The following WNT3A variants were observed in gnomAD, a reference collection of about 807,000 sequenced individuals.
WNT3A encodes protein Wnt-3a.
Under a neutral mutation model 37.0 loss-of-function variants are expected in WNT3A, and 17 were observed. The ratio of observed to expected loss-of-function variants is 0.46; its 90% CI spans 0.31 to 0.69. The LOEUF (loss-of-function observed/expected upper bound fraction) is 0.69. WNT3A is among the 30% of genes least tolerant of loss of function. The pLI is 0.05. For missense variants in WNT3A, 411 were observed against 510.2 expected (o/e 0.81, Z 1.87); for synonymous variants, 187 against 211.0 (o/e 0.89, Z 0.99).
In WNT3A at chr1:228,041,065, A is replaced by G. The variant is rs115352682; in HGVS notation, c.314-9591A>G. 5.9e-3 allele frequency among the ~76,000 whole-genome samples: 878 copies of G among 148,972 alleles called. 10 individuals are homozygous for G. Among genetic ancestry groups the G allele is most frequent in the African/African-American group, 0.021 (848 of 40,376 alleles). Reference sequence around the variant, plus strand: ...TCTATCTATCATCTATCTATCATCTATCTATATCTTTTCCTGTCTCAACAA... The same window carrying G: ...TCTATCTATCATCTATCTATCATCTGTCTATATCTTTTCCTGTCTCAACAA... On this transcript the variant is annotated intron_variant, in intron 2 of 3. Coordinates refer to ENST00000284523, the MANE Select transcript of WNT3A (RefSeq NM_033131.4).
intron 1 of WNT3A, among the ~76,000 whole-genome samples, chr1:228,009,084 C>T (rs929244788): frequency 5.3e-5 from 8 of 152,234 alleles, no homozygotes; most frequent in African/African-American, 1.7e-4. Context: ...TGACACTGAC[C>T]GGGGTGGGTG....
At chr1:228,056,554 C>T (rs1220853232) in intron 3 of WNT3A, among the ~76,000 whole-genome samples, 1 of 152,046 alleles carries the variant, frequency 6.6e-6, no homozygotes, top group Non-Finnish European at 1.5e-5. Context: ...AAAATAAGAG[C>T]AAGGAGAAGA....
chr1:228,034,263 A>G (rs879817821), intron 2 of WNT3A, among the ~76,000 whole-genome samples: 2 of 152,192 alleles, frequency 1.3e-5, no homozygotes, highest in African/African-American at 2.4e-5. Context: ...CTCTGTCTCA[A>G]AAAAACACAC....
chr1:228,043,219 A>C (rs1190110310), intron 2 of WNT3A, among the ~76,000 whole-genome samples: 1 of 152,246 alleles, frequency 6.6e-6, no homozygotes, highest in Non-Finnish European at 1.5e-5. Context: ...CTTCCCTTAC[A>C]GAACAATTTT....
Position 228,007,863 on chromosome 1 carries a change from TAGAG to T in WNT3A, c.71+669_71+672del, listed in dbSNP as rs1326422687. The stretch of plus-strand genomic sequence containing the variant: ...TCCACCTGGCAATGAGGGGCTGCTG[TAGAG>T]AGAGTTAAGGGTGAGTTAAGCACGG... On this transcript the variant is annotated intron_variant, in intron 1 of 3. Transcript: ENST00000284523. This position sits in a 1 kb window ranked among gnomAD's most constrained non-coding sequence, Gnocchi z 6.0. Among the ~76,000 whole-genome samples, 4 of 152,054 alleles carry T rather than the reference TAGAG, an allele frequency of 2.6e-5. No homozygotes were observed. The highest frequency in any genetic ancestry group is 4.4e-5 in the Non-Finnish European group (3 of 67,990).
At chr1:228,026,609 C>A (rs1246427779) in intron 2 of WNT3A, among the ~76,000 whole-genome samples, 1 of 152,082 alleles carries the variant, frequency 6.6e-6, no homozygotes, top group Non-Finnish European at 1.5e-5. Context: ...CCCTGGCTTC[C>A]CTCCCAACCT....
At position 228,058,974 on chromosome 1, in the gene WNT3A, C is replaced by T. The variant is rs760493863; in HGVS notation, c.580-12C>T. Reference sequence around the variant, plus strand: ...GGCCGCCCTGACGCTGGCTCCTGCGCGTGCCCCGCAGGCCATCGCCAGCCA... The same window carrying T: ...GGCCGCCCTGACGCTGGCTCCTGCGTGTGCCCCGCAGGCCATCGCCAGCCA... On this transcript the variant is annotated splice_polypyrimidine_tract_variant and intron_variant, in intron 3 of 3. Coordinates refer to ENST00000284523, the MANE Select transcript of WNT3A (RefSeq NM_033131.4). 1.9e-6 allele frequency: 3 copies of T among 1,599,890 alleles called. No individual in the cohort carries two copies. The highest frequency in any genetic ancestry group is 2.2e-5 in the East Asian group (1 of 44,468).
In WNT3A at chr1:228,059,338, G is replaced by C; in HGVS notation, c.932G>C (p.Cys311Ser). The C allele has an allele frequency of 1.3e-6, 2 of 1,567,628 alleles. No individual in the cohort carries two copies. Among genetic ancestry groups the C allele is most frequent in the Non-Finnish European group, 1.7e-6 (2 of 1,161,356 alleles). ...GGCATCGACGGCTGCGACCTGCTGTGCTGCGGCCGCGGCCACAACGCGCGA... is the reference window on the plus strand; with the variant it reads ...GGCATCGACGGCTGCGACCTGCTGTCCTGCGGCCGCGGCCACAACGCGCGA... ...SHGIDGCDLLCCGRGHNARAE... is the reference protein window; with the variant it reads ...SHGIDGCDLLSCGRGHNARAE... The change falls in exon 4 of 4, where the codon TGC becomes TCC. Residue 311 changes from cysteine to serine, a missense_variant. Cys to Ser is a moderately radical substitution (Grantham distance 112). Coordinates refer to ENST00000284523, the MANE Select transcript of WNT3A (RefSeq NM_033131.4).
At position 228,007,747 on chromosome 1, in the gene WNT3A, C is replaced by T. The variant is rs1222356790; in HGVS notation, c.71+548C>T. ...GGCGCAGAGCCGGCGGCGGGGCGCA[C>T]TGGGGGCCGGCCCTGGGCCCCGCGC... On this transcript the variant is annotated intron_variant, in intron 1 of 3. Coordinates refer to ENST00000284523, the MANE Select transcript of WNT3A (RefSeq NM_033131.4). This position sits in a 1 kb window ranked among gnomAD's most constrained non-coding sequence, Gnocchi z 6.0. 1.3e-5 allele frequency among the ~76,000 whole-genome samples: 2 copies of T among 151,950 alleles called. No homozygotes were observed. Among genetic ancestry groups the T allele is most frequent in the East Asian group, 3.9e-4 (2 of 5,118 alleles).
chr1:228,024,725 A>C (rs918415804), intron 2 of WNT3A, among the ~76,000 whole-genome samples: 8 of 152,226 alleles, frequency 5.3e-5, no homozygotes, highest in African/African-American at 1.9e-4. Flanking sequence ...ACATAAGGTC[A>C]CAAAGATTCA....
rs775088100 is a variant in WNT3A at position 228,007,212 on chromosome 1, C to T, written c.71+13C>T. 2 of 1,598,506 alleles carry T rather than the reference C, an allele frequency of 1.3e-6. No individual in the cohort carries two copies. The highest frequency in any genetic ancestry group is 1.7e-6 in the Non-Finnish European group (2 of 1,172,994). On this transcript the variant is annotated intron_variant, in intron 1 of 3. Transcript: ENST00000284523. The surrounding 1 kb of genome is among the most constrained non-coding windows in gnomAD (Gnocchi z 6.0). The stretch of plus-strand genomic sequence containing the variant: ...ACCCGATCTGGTGGTGAGTGAGCCT[C>T]CTCGCGTTCGCCCCTGCCCCTGTGC...
At chr1:228,048,156 C>T (rs2031466897) in intron 2 of WNT3A, among the ~76,000 whole-genome samples, 1 of 152,200 alleles carries the variant, frequency 6.6e-6, no homozygotes, top group Admixed American at 6.5e-5. Flanking sequence ...CCGCCTTGTC[C>T]CATGGGAGGA....
At chr1:228,046,506 T>C (rs1164638373) in intron 2 of WNT3A, among the ~76,000 whole-genome samples, 1 of 149,494 alleles carries the variant, frequency 6.7e-6, no homozygotes, top group Non-Finnish European at 1.5e-5. Context: ...CATGTATGTG[T>C]ATGGTATTCA....
rs376946498 is a variant in WNT3A, at chr1:228,048,132, G to A, written c.314-2524G>A. Reference sequence around the variant, plus strand: ...GGAGGAGCAGGGGACACTGTGGGACGTAGCCCTGTATCCCCGCCTTGTCCC... The same window carrying A: ...GGAGGAGCAGGGGACACTGTGGGACATAGCCCTGTATCCCCGCCTTGTCCC... On this transcript the variant is annotated intron_variant, in intron 2 of 3. Coordinates refer to ENST00000284523, the MANE Select transcript of WNT3A (RefSeq NM_033131.4). Among the ~76,000 whole-genome samples the A allele has an allele frequency of 1.0e-3, 154 of 152,332 alleles. 1 individual carries two copies. The South Asian group carries it at 0.017, about 17-fold the overall frequency.
chr1:228,046,915 G>A (rs533978125), intron 2 of WNT3A, among the ~76,000 whole-genome samples: 1 of 152,142 alleles, frequency 6.6e-6, no homozygotes, highest in African/African-American at 2.4e-5. Context: ...ACGCATGTGC[G>A]CATGTGGCTG....
chr1:228,059,330 C>A lies in WNT3A; in HGVS notation c.924C>A (p.Asp308Glu). 1 of 1,572,338 alleles carries A rather than the reference C, an allele frequency of 6.4e-7. No homozygotes were observed. The highest frequency in any genetic ancestry group is 8.6e-7 in the Non-Finnish European group (1 of 1,164,042). Residue 308 changes from aspartate to glutamate, a missense_variant, in exon 4 of 4, where the codon GAC becomes GAA. Asp to Glu is a conservative substitution (Grantham distance 45). Coordinates refer to ENST00000284523, the MANE Select transcript of WNT3A (RefSeq NM_033131.4). ...NVSSHGIDGC[D>E]LLCCGRGHNA... The stretch of plus-strand genomic sequence containing the variant: ...GCTCGCACGGCATCGACGGCTGCGA[C>A]CTGCTGTGCTGCGGCCGCGGCCACA...
chr1:228,050,783 C>A lies in WNT3A; in HGVS notation c.441C>A (p.Gly147=). Residue 147 remains glycine, a synonymous_variant, in exon 3 of 4, where the codon GGC becomes GGA. Transcript: ENST00000284523. The surrounding 1 kb of genome is among the most constrained non-coding windows in gnomAD (Gnocchi z 5.0). Reference sequence around the variant, plus strand: ...GCAGCCGCCACCAGGGCTCACCAGGCAAGGGCTGGAAGTGGGGTGGCTGTA... The same window carrying A: ...GCAGCCGCCACCAGGGCTCACCAGGAAAGGGCTGGAAGTGGGGTGGCTGTA... The part of the protein sequence containing the change: ...GCSSRHQGSP[G]KGWKWGGCSE... 6.2e-7 allele frequency: 1 copy of A among 1,614,066 alleles called. No individual in the cohort carries two copies. Among genetic ancestry groups the A allele is most frequent in the Non-Finnish European group, 8.5e-7 (1 of 1,180,000 alleles).
At chr1:228,048,746 G>T (rs747934775) in intron 2 of WNT3A, among the ~76,000 whole-genome samples, 10 of 151,960 alleles carry the variant, frequency 6.6e-5, no homozygotes, top group Admixed American at 6.6e-5. Flanking sequence ...TGGAAGCAGG[G>T]CCTGGCCAGG....
At chr1:228,025,153 C>G (rs1176232275) in intron 2 of WNT3A, among the ~76,000 whole-genome samples, 1 of 152,008 alleles carries the variant, frequency 6.6e-6, no homozygotes, top group Non-Finnish European at 1.5e-5. Context: ...TTTGGGGTCC[C>G]TTTCAAATAT....
Sources: allele counts gnomAD v4.1 joint callset (sites outside exome capture counted in the v4.1 genomes callset), GRCh38; gene constraint gnomAD v4.1.1; non-coding constraint Gnocchi (gnomAD v3.1); transcripts MANE v1.5; gene names NCBI Gene and HGNC (gene_info 2026-07-23, HGNC 2026-07-21).